HMG20A: variants seen among roughly 807,000 people sequenced by gnomAD.
The protein encoded by HMG20A is high mobility group 20A.
Under a neutral mutation model 43.9 loss-of-function variants are expected in HMG20A, and 17 were observed. The observed-to-expected ratio is 0.39, with a 90% confidence interval of 0.27 to 0.58. The LOEUF is 0.58. Among genes scored for constraint, HMG20A ranks in the 20% least tolerant of loss-of-function variants. HMG20A has a pLI of 0.59. For synonymous variants in HMG20A, 132 were observed against 147.5 expected (o/e 0.89, Z 0.76); for missense variants, 341 against 438.2 (o/e 0.78, Z 1.98).
intron 1 of HMG20A, among the ~76,000 whole-genome samples, chr15:77,421,965 T>A (rs1176204355): frequency 2.0e-5 from 3 of 152,222 alleles, no homozygotes; most frequent in African/African-American, 7.2e-5. Flanking sequence ...TCAGCTCAGA[T>A]TCTAAACAGG....
Position 77,439,727 on chromosome 15 carries a change from T to C in HMG20A, c.-4-18677T>C, listed in dbSNP as rs79644163. ...CATGTCTTCTGTTGGTTATATACAC[T>C]CATTTCTCTATGATATATTACTAGG... is the stretch of plus-strand genomic sequence containing the variant. On this transcript the variant is annotated intron_variant, in intron 1 of 9. Transcript: ENST00000336216. Among the ~76,000 whole-genome samples, 16 of 152,328 alleles carry C rather than the reference T, an allele frequency of 1.1e-4. No individual in the cohort carries two copies. In the East Asian group the frequency reaches 2.9e-3, roughly 28 times the overall value.
chr15:77,447,354 G>A (rs549546968), intron 1 of HMG20A, among the ~76,000 whole-genome samples: 4 of 152,234 alleles, frequency 2.6e-5, no homozygotes, highest in Non-Finnish European at 4.4e-5. Flanking sequence ...CGTTATCACC[G>A]TGCTTTACAA....
chr15:77,494,877 G>A, the HMG20A span, among the ~76,000 whole-genome samples: 1,022 of 152,334 alleles, frequency 6.7e-3, 9 homozygotes, highest in African/African-American at 0.024. Flanking sequence ...GATTAATCAT[G>A]CCTCAATCTT....
chr15:77,479,210 T>C lies in HMG20A; in HGVS notation c.939T>C (p.Ile313=). ...GSGETPTVDT[I]DSYMNRLHSI... ...GAGAGACACCTACAGTGGACACCATTGACTCATATATGAACAGACTGCACA... is the reference window on the plus strand; with the variant it reads ...GAGAGACACCTACAGTGGACACCATCGACTCATATATGAACAGACTGCACA... The change falls in exon 9 of 10, where the codon ATT becomes ATC. Residue 313 remains isoleucine, a synonymous_variant. Transcript: ENST00000336216. 1 of 1,613,840 alleles carries C rather than the reference T, an allele frequency of 6.2e-7. No homozygotes were observed.
intron 2 of HMG20A, among the ~76,000 whole-genome samples, chr15:77,459,182 T>C (rs1400556899): frequency 6.6e-6 from 1 of 152,256 alleles, no homozygotes; most frequent in Non-Finnish European, 1.5e-5. Flanking sequence ...GGCTATACTT[T>C]GTAATTCTGT....
At chr15:77,519,630 A>G in the HMG20A span, among the ~76,000 whole-genome samples, 1 of 152,338 alleles carries the variant, frequency 6.6e-6, no homozygotes, top group South Asian at 2.1e-4. Context: ...GCAGAAGGCA[A>G]ACCCTTACCA....
chr15:77,458,585 A>G (rs923207825), intron 2 of HMG20A, 89 bp downstream of exon 2: 13 of 824,340 alleles, frequency 1.6e-5, no homozygotes, highest in Non-Finnish European at 2.4e-5. Context: ...AGGCAGTTTT[A>G]TATCATAAGA....
intron 1 of HMG20A, among the ~76,000 whole-genome samples, chr15:77,449,742 C>T (rs2073714839): frequency 6.6e-6 from 1 of 152,144 alleles, no homozygotes; most frequent in Non-Finnish European, 1.5e-5. Flanking sequence ...CACACAGCCT[C>T]CCCAACTATC....
chr15:77,496,650 G>C, the HMG20A span, among the ~76,000 whole-genome samples: 1 of 152,224 alleles, frequency 6.6e-6, no homozygotes, highest in East Asian at 1.9e-4. Flanking sequence ...GGGAGGTCCT[G>C]TCCTCCCGTT....
intron 6 of HMG20A, 43 bp downstream of exon 6, chr15:77,471,857 A>C (rs1201672241): frequency 8.7e-7 from 1 of 1,147,678 alleles, no homozygotes; most frequent in Non-Finnish European, 1.2e-6. Context: ...TGTATTTATA[A>C]TAATGTTGCT....
At chr15:77,482,453 C>T (rs2072913086) in intron 9 of HMG20A, 1 of 151,870 alleles carries the variant, frequency 6.6e-6, no homozygotes, top group African/African-American at 2.4e-5. Context: ...GCATATGTTG[C>T]CTGATTTCAA....
rs146410583 is a variant in HMG20A at position 77,470,999 on chromosome 15, T to G, written c.540T>G (p.Ser180Arg). 1 of 1,613,400 alleles carries G rather than the reference T, an allele frequency of 6.2e-7. No individual in the cohort carries two copies. ...YQKTEAYKVFSRKTQDRQKGK... is the reference protein window; with the variant it reads ...YQKTEAYKVFRRKTQDRQKGK... ...AAACAGAGGCCTACAAGGTCTTCAG[T>G]AGGAAAACCCAGGACCGTCAGAAAG... is the stretch of plus-strand genomic sequence containing the variant. Residue 180 changes from serine to arginine, a missense_variant, in exon 5 of 10, where the codon AGT becomes AGG. Coordinates refer to ENST00000336216, the MANE Select transcript of HMG20A (RefSeq NM_001304504.2).
chr15:77,430,999 CA>C (rs2073479043), intron 1 of HMG20A, among the ~76,000 whole-genome samples: 1 of 152,000 alleles, frequency 6.6e-6, no homozygotes, highest in Non-Finnish European at 1.5e-5. Context: ...AAACGACAAG[CA>C]GAATAAATAC....
intron 4 of HMG20A, among the ~76,000 whole-genome samples, chr15:77,469,699 G>C (rs982660653): frequency 6.6e-6 from 1 of 151,904 alleles, no homozygotes; most frequent in Non-Finnish European, 1.5e-5. Context: ...ATGGAATCTT[G>C]CTCTGTCGCC....
chr15:77,506,727 C>A, the HMG20A span, among the ~76,000 whole-genome samples: 1 of 152,254 alleles, frequency 6.6e-6, no homozygotes, highest in Non-Finnish European at 1.5e-5. Context: ...TGGGTGTGAC[C>A]TGTTCCAGCC....
At chr15:77,433,594 G>T (rs2073512827) in intron 1 of HMG20A, among the ~76,000 whole-genome samples, 1 of 152,200 alleles carries the variant, frequency 6.6e-6, no homozygotes, top group Non-Finnish European at 1.5e-5. Flanking sequence ...AACTCTAAAA[G>T]AATCTATAGA....
intron 2 of HMG20A, among the ~76,000 whole-genome samples, chr15:77,463,273 C>T (rs2072722616): frequency 6.6e-6 from 1 of 152,120 alleles, no homozygotes; most frequent in Non-Finnish European, 1.5e-5. Context: ...TCTTTCTTAA[C>T]ATCCCTCCAT....
intron 1 of HMG20A, among the ~76,000 whole-genome samples, chr15:77,450,776 C>T (rs919906374): frequency 1.3e-5 from 2 of 152,180 alleles, no homozygotes; most frequent in Non-Finnish European, 2.9e-5. Flanking sequence ...TGACCCATTA[C>T]GTGAAGTCCC....
At chr15:77,439,337 A>G (rs958415052) in intron 1 of HMG20A, among the ~76,000 whole-genome samples, 6 of 152,182 alleles carry the variant, frequency 3.9e-5, no homozygotes, top group Non-Finnish European at 8.8e-5. Flanking sequence ...GAATTTTTAC[A>G]TAGATATATA....
Sources: allele counts gnomAD v4.1 joint callset (sites outside exome capture counted in the v4.1 genomes callset), GRCh38; gene constraint gnomAD v4.1.1; transcripts MANE v1.5; gene names NCBI Gene and HGNC (gene_info 2026-07-23, HGNC 2026-07-21).